Variants in NF2 observed in about 807,000 individuals in gnomAD.
NF2 encodes NF2, moesin-ezrin-radixin like (MERLIN) tumor suppressor.
NF2 carries 8 observed loss-of-function variants against 83.7 expected under a neutral mutation model. The observed-to-expected ratio is 0.10, with a 90% CI of 0.06 to 0.17. The LOEUF is 0.17. Ranked by LOEUF, NF2 falls within the 10% of genes least tolerant of loss-of-function variation. The pLI is 1.00. For synonymous variants in NF2, 266 were observed against 269.6 expected (o/e 0.99, Z 0.13); for missense variants, 533 against 744.4 (o/e 0.72, Z 3.31).
At chr22:29,689,177 C>CAAAAAAAA (rs140087) in intron 15 of NF2, among the ~76,000 whole-genome samples, 2 of 89,288 alleles carry the variant, frequency 2.2e-5, no homozygotes, top group Non-Finnish European at 4.3e-5. Context: ...GACTCCGTCT[C>CAAAAAAAA]AAAAAAAAAA....
chr22:29,624,882 C>A (rs920801187), intron 1 of NF2, among the ~76,000 whole-genome samples: 2 of 145,646 alleles, frequency 1.4e-5, no homozygotes, highest in African/African-American at 5.1e-5. Context: ...TTTCTCTCCT[C>A]TTTCTGTCTC....
intron 1 of NF2, among the ~76,000 whole-genome samples, chr22:29,608,006 C>G (rs1191098790): frequency 6.6e-6 from 1 of 151,252 alleles, no homozygotes; most frequent in Non-Finnish European, 1.5e-5. Flanking sequence ...AACCCCGTCT[C>G]TGCTAAAAAT....
At chr22:29,651,556 G>A (rs1023613508) in intron 4 of NF2, among the ~76,000 whole-genome samples, 7 of 152,160 alleles carry the variant, frequency 4.6e-5, no homozygotes, top group Non-Finnish European at 7.3e-5. Context: ...CCCTGGAGTG[G>A]TATGACTTTC....
intron 4 of NF2, among the ~76,000 whole-genome samples, chr22:29,643,250 G>A (rs954358678): frequency 4.5e-4 from 69 of 151,698 alleles, no homozygotes; most frequent in African/African-American, 1.6e-3. Flanking sequence ...CAAAGTGCTG[G>A]GATTACAGGT....
chr22:29,607,875 T>G (rs1381639880), intron 1 of NF2, among the ~76,000 whole-genome samples: 1 of 151,724 alleles, frequency 6.6e-6, no homozygotes, highest in Non-Finnish European at 1.5e-5. Context: ...AATTCTGGAG[T>G]TGAAAGTACA....
rs182304272 is a variant in NF2 at position 29,620,489 on chromosome 22, C to T, written c.115-16262C>T. On this transcript the variant is annotated intron_variant, in intron 1 of 15. Coordinates refer to ENST00000338641, the MANE Select transcript of NF2 (RefSeq NM_000268.4). ...GCATGGTGGCTCATTCCTGTAATCCCAGCACTTTGGGAGGCTGAGGCAGGT... is the reference window on the plus strand; with the variant it reads ...GCATGGTGGCTCATTCCTGTAATCCTAGCACTTTGGGAGGCTGAGGCAGGT... 3.2e-3 allele frequency among the ~76,000 whole-genome samples: 485 copies of T among 151,882 alleles called. 2 individuals carry two copies. The highest frequency in any genetic ancestry group is 0.011 in the African/African-American group (466 of 41,428).
chr22:29,693,777 A>G (rs117089825), intron 15 of NF2, among the ~76,000 whole-genome samples: 1,887 of 152,282 alleles, frequency 0.012, 18 homozygotes, highest in Middle Eastern at 0.021. Flanking sequence ...TGATCGGCAC[A>G]TAACACTAAG....
intron 1 of NF2, among the ~76,000 whole-genome samples, chr22:29,615,744 A>G (rs975552912): frequency 6.6e-6 from 1 of 152,186 alleles, no homozygotes; most frequent in African/African-American, 2.4e-5. Context: ...CAAAAAAGAT[A>G]AAAAGAAAAA....
At chr22:29,693,984 C>T (rs1157124664) in intron 15 of NF2, among the ~76,000 whole-genome samples, 1 of 152,116 alleles carries the variant, frequency 6.6e-6, no homozygotes, top group African/African-American at 2.4e-5. Flanking sequence ...GGGAAGTGGC[C>T]CAGAGTCAAG....
intron 1 of NF2, among the ~76,000 whole-genome samples, chr22:29,625,111 G>A (rs1601557697): frequency 6.6e-6 from 1 of 151,654 alleles, no homozygotes; most frequent in South Asian, 2.1e-4. Context: ...GTATTTTTAG[G>A]AGAGACGGGG....
At chr22:29,687,977 G>A (rs1055627454) in intron 15 of NF2, among the ~76,000 whole-genome samples, 1 of 152,194 alleles carries the variant, frequency 6.6e-6, no homozygotes, top group Admixed American at 6.5e-5. Context: ...TCCCGGATGG[G>A]ACACCTTGGG....
At chr22:29,642,056 A>T in intron 3 of NF2, 146 bp from the exon 4 acceptor site, 1 of 710,906 alleles carries the variant, frequency 1.4e-6, no homozygotes, top group Non-Finnish European at 2.5e-6. Context: ...CATCAGTAAA[A>T]AAAAAATTGT....
chr22:29,649,326 A>C lies in NF2; in HGVS notation c.448-5331A>C, dbSNP rs146909173. Reference sequence around the variant, plus strand: ...CCAGGCACGGTGGCTCACACCTGTAATCCCAACACTTTGGGAGGCTGAAGT... The same window carrying C: ...CCAGGCACGGTGGCTCACACCTGTACTCCCAACACTTTGGGAGGCTGAAGT... On this transcript the variant is annotated intron_variant, in intron 4 of 15. Coordinates refer to ENST00000338641, the MANE Select transcript of NF2 (RefSeq NM_000268.4). Among the ~76,000 whole-genome samples, 253 of 152,310 alleles carry C rather than the reference A, an allele frequency of 1.7e-3. 4 individuals carry two copies. In the South Asian group the frequency reaches 0.023, roughly 14 times the overall value.
intron 11 of NF2, 120 bp from the exon 12 acceptor site, chr22:29,673,148 AC>A (rs2066853662): frequency 9.5e-7 from 1 of 1,053,806 alleles, no homozygotes; most frequent in Non-Finnish European, 1.4e-6. Flanking sequence ...CATGGAGGGC[AC>A]TCAGCAGCAG....
chr22:29,658,427 C>T (rs2066379783), intron 7 of NF2, among the ~76,000 whole-genome samples, 163 bp downstream of exon 7: 1 of 152,156 alleles, frequency 6.6e-6, no homozygotes, highest in South Asian at 2.1e-4. Context: ...GCCTAACTTT[C>T]TATTTTTGGA....
At chr22:29,627,428 G>T (rs898866316) in intron 1 of NF2, among the ~76,000 whole-genome samples, 6 of 152,284 alleles carry the variant, frequency 3.9e-5, no homozygotes, top group African/African-American at 1.4e-4. Context: ...TAGCATGATG[G>T]TTGTATTGTT....
At chr22:29,673,635 C>T in intron 12 of NF2, 149 bp downstream of exon 12, 2 of 883,836 alleles carry the variant, frequency 2.3e-6, no homozygotes, top group Non-Finnish European at 3.5e-6. Flanking sequence ...CTGATGGTGA[C>T]TGGTGCTTTA....
rs886057361 is a variant in NF2 at position 29,696,361 on chromosome 22, C to G, written c.*1559C>G. On this transcript the variant is annotated 3_prime_UTR_variant, in exon 16 of 16. Coordinates refer to ENST00000338641, the MANE Select transcript of NF2 (RefSeq NM_000268.4). ...GCCCCTTCTTGCCCTTTCTTTTCTC[C>G]ATGGCTGATGCTGCTGTGGCCAGCC... 2 of 217,812 alleles carry G rather than the reference C, an allele frequency of 9.2e-6. No individual in the cohort carries two copies. Among genetic ancestry groups the G allele is most frequent in the Non-Finnish European group, 1.8e-5 (2 of 108,340 alleles). 13.5% of individuals were successfully genotyped at this position (217,812 alleles called of 1,614,324 possible).
chr22:29,607,260 A>G (rs2146679848), intron 1 of NF2, among the ~76,000 whole-genome samples: 1 of 152,328 alleles, frequency 6.6e-6, no homozygotes, highest in South Asian at 2.1e-4. Flanking sequence ...ATTTGATTGT[A>G]TCAGTTTGTA....
Sources: gnomAD v4.1 joint callset for allele counts (sites outside exome capture counted in the v4.1 genomes callset) on GRCh38, gnomAD v4.1.1 for gene constraint, MANE v1.5 for transcripts, NCBI Gene and HGNC (gene_info 2026-07-23, HGNC 2026-07-21) for gene names.